The following ME3 variants were observed in gnomAD, a reference collection of about 807,000 sequenced individuals.
ME3 encodes NADP-dependent malic enzyme, mitochondrial.
ME3 carries 48 observed loss-of-function variants against 68.9 expected under a neutral mutation model. The ratio of observed to expected loss-of-function variants is 0.70; its 90% CI spans 0.55 to 0.89. ME3 has a LOEUF of 0.89. Ranked by LOEUF, ME3 falls within the 40% of genes least tolerant of loss-of-function variation. The pLI, the probability that ME3 is intolerant of heterozygous loss-of-function variation, is 0.00. For synonymous variants in ME3, 320 were observed against 318.8 expected, an observed-to-expected ratio of 1.00 and a Z score of -0.04; for missense variants, 675 against 797.4, an observed-to-expected ratio of 0.85 and a Z score of 1.85.
chr11:86,568,447 T>G (rs1957605526), intron 2 of ME3, among the ~76,000 whole-genome samples: 1 of 152,212 alleles, frequency 6.6e-6, no homozygotes, highest in Non-Finnish European at 1.5e-5. Context: ...ATTTTAAATC[T>G]TTTACCTATC....
exon 4 of ME3, chr11:86,556,632 C>T (rs1220647245): frequency 6.2e-7 from 1 of 1,614,146 alleles, no homozygotes; most frequent in Non-Finnish European, 8.5e-7. Flanking sequence ...ATGAACTTCT[C>T]CACGTCCGAA....
intron 2 of ME3, among the ~76,000 whole-genome samples, chr11:86,647,629 T>G (rs913832211): frequency 1.3e-5 from 2 of 151,294 alleles, no homozygotes; most frequent in African/African-American, 4.9e-5. Context: ...AAAAAAGACT[T>G]TAAACCAACA....
chr11:86,606,902 G>A (rs1961746635), intron 2 of ME3, among the ~76,000 whole-genome samples: 1 of 152,098 alleles, frequency 6.6e-6, no homozygotes, highest in African/African-American at 2.4e-5. Flanking sequence ...AAATATGTGA[G>A]GTTGCTGTTT....
At chr11:86,527,827 G>A (rs1303289707) in intron 4 of ME3, among the ~76,000 whole-genome samples, 4 of 152,138 alleles carry the variant, frequency 2.6e-5, no homozygotes, top group African/African-American at 9.7e-5. Flanking sequence ...TCACCACCAG[G>A]CCTGCCCTAC....
intron 4 of ME3, among the ~76,000 whole-genome samples, chr11:86,520,888 G>C (rs1319603101): frequency 6.6e-6 from 1 of 152,190 alleles, no homozygotes; most frequent in Non-Finnish European, 1.5e-5. Context: ...AGACCTCTCT[G>C]AGCCTGTTCC....
At chr11:86,464,947 C>A (rs1594063809) in intron 8 of ME3, 144 bp downstream of exon 8, 1 of 621,424 alleles carries the variant, frequency 1.6e-6, no homozygotes, top group East Asian at 2.7e-5. Context: ...GGAGTTGAAT[C>A]TAAGTTTAAT....
intron 4 of ME3, among the ~76,000 whole-genome samples, chr11:86,517,609 C>T (rs1371299866): frequency 1.3e-5 from 2 of 152,174 alleles, no homozygotes; most frequent in African/African-American, 4.8e-5. Flanking sequence ...CACTGCTTTT[C>T]ATCTCAGCAT....
chr11:86,486,128 C>T (rs1363811193), intron 7 of ME3, among the ~76,000 whole-genome samples: 1 of 152,220 alleles, frequency 6.6e-6, no homozygotes, highest in African/African-American at 2.4e-5. Flanking sequence ...ACTCTGCCTT[C>T]CCTTTCTCCC....
At chr11:86,640,785 A>G (rs1009449105) in intron 2 of ME3, among the ~76,000 whole-genome samples, 1 of 152,060 alleles carries the variant, frequency 6.6e-6, no homozygotes, top group East Asian at 1.9e-4. Flanking sequence ...GCCTCTCCCA[A>G]TGGCCCACCT....
intron 2 of ME3, among the ~76,000 whole-genome samples, chr11:86,656,221 C>A (rs931377395): frequency 9.9e-5 from 15 of 151,636 alleles, no homozygotes; most frequent in Non-Finnish European, 1.9e-4. Context: ...ACTAGAAATA[C>A]CATTTGACCC....
At chr11:86,601,246 T>G (rs929240097) in intron 2 of ME3, among the ~76,000 whole-genome samples, 1 of 151,656 alleles carries the variant, frequency 6.6e-6, no homozygotes, top group Admixed American at 6.6e-5. Context: ...ATCAAATAGA[T>G]GCAATAAAAA....
intron 2 of ME3, among the ~76,000 whole-genome samples, chr11:86,632,351 C>T (rs1259517164): frequency 6.6e-6 from 1 of 151,942 alleles, no homozygotes; most frequent in African/African-American, 2.4e-5. Flanking sequence ...ACAAAATGGC[C>T]AAGGGGGGTG....
rs199559518 is a variant in ME3 at position 86,446,484 on chromosome 11, G to A, written c.1384C>T (p.Arg462Ter). The A allele has an allele frequency of 9.3e-6, 15 of 1,614,116 alleles. No homozygotes were observed. Among genetic ancestry groups the A allele is most frequent in the African/African-American group, 1.3e-5 (1 of 75,058 alleles). Residue 462 changes from arginine to a stop codon, truncating the protein, a stop_gained, in exon 13 of 15, where the codon CGA becomes TGA. Transcript: ENST00000543262. LOFTEE classifies it high-confidence loss of function. Reference sequence around the variant, plus strand: ...GGACTTCCACTGGCAAAAATCCCTCGGCCCTGGAGGCAGGAAGAAAACCAG... The same window carrying A: ...GGACTTCCACTGGCAAAAATCCCTCAGCCCTGGAGGCAGGAAGAAAACCAG...
Position 86,533,045 on chromosome 11 carries a change from G to C in ME3, c.467+23508C>G, listed in dbSNP as rs537959186. Among the ~76,000 whole-genome samples, 57 of 150,490 alleles carry C rather than the reference G, an allele frequency of 3.8e-4. 2 individuals are homozygous for C. In the Middle Eastern group the frequency reaches 0.035, roughly 92 times the overall value. ...CCAGCCTGGGTGACAGAGCAAGATG[G>C]GGTCTCCAAAAAAAAAAAGACTCAC... is the stretch of plus-strand genomic sequence containing the variant. On this transcript the variant is annotated intron_variant, in intron 4 of 14. Coordinates refer to ENST00000543262, the Ensembl canonical transcript of ME3.
rs1949683063 is a variant in ME3 at position 86,452,365 on chromosome 11, TGAGGACAGG to T, written c.920-1976_920-1968del. On this transcript the variant is annotated intron_variant, in intron 8 of 14. Coordinates refer to ENST00000543262, the Ensembl canonical transcript of ME3. ...TTCATCCTGATAATCAAAGGGACAG[TGAGGACAGG>T]GAGGACTATGTCTGAAGCTTAGGGG... Among the ~76,000 whole-genome samples the T allele has an allele frequency of 4.6e-5, 7 of 152,296 alleles. No individual in the cohort carries two copies. The South Asian group carries it at 1.5e-3, about 32-fold the overall frequency.
chr11:86,504,934 GC>G (rs1160077426), intron 5 of ME3, among the ~76,000 whole-genome samples: 1 of 151,930 alleles, frequency 6.6e-6, no homozygotes, highest in Non-Finnish European at 1.5e-5. Context: ...CAAGTGATCC[GC>G]CCGCCTCAGC....
chr11:86,446,440 C>G lies in ME3; in HGVS notation c.1428G>C (p.Leu476=), dbSNP rs369893417. 7 of 1,614,096 alleles carry G rather than the reference C, an allele frequency of 4.3e-6. No individual in the cohort carries two copies. The Admixed American group carries it at 1.0e-4, about 23-fold the overall frequency. Residue 476 remains leucine, a synonymous_variant, in exon 13 of 15, where the codon CTG becomes CTC. Transcript: ENST00000543262. ...CAGGAATGAAGGTCTTGCCATCTTC[C>G]AGAGTCACACTCTTAAAAGGACTTC...
At chr11:86,607,977 A>T (rs1413007008) in intron 2 of ME3, among the ~76,000 whole-genome samples, 1 of 152,082 alleles carries the variant, frequency 6.6e-6, no homozygotes, top group African/African-American at 2.4e-5. Context: ...AGAAGTACCT[A>T]TGAGGTATTT....
intron 13 of ME3, among the ~76,000 whole-genome samples, chr11:86,444,050 T>C (rs1949150846): frequency 6.6e-6 from 1 of 152,196 alleles, no homozygotes; most frequent in Non-Finnish European, 1.5e-5. Flanking sequence ...TTATGGAGAC[T>C]GGTGTCAGTG....
Sources: allele counts gnomAD v4.1 joint callset (sites outside exome capture counted in the v4.1 genomes callset), GRCh38; gene constraint gnomAD v4.1.1; transcripts MANE v1.5; gene names NCBI Gene and HGNC (gene_info 2026-07-23, HGNC 2026-07-21).